KIF18A: variants seen among roughly 807,000 people sequenced by gnomAD.
KIF18A encodes kinesin family member 18A.
A neutral mutation model predicts 103.3 loss-of-function variants in KIF18A; 67 were observed. That is an observed-to-expected ratio of 0.65 (90% CI 0.53 to 0.79). The LOEUF is 0.79. Among genes scored for constraint, KIF18A ranks in the 30% least tolerant of loss-of-function variants. KIF18A has a pLI of 0.00. For missense variants in KIF18A, 1,032 were observed against 1,062.5 expected, an observed-to-expected ratio of 0.97 and a Z score of 0.40; for synonymous variants, 367 against 355.5, an observed-to-expected ratio of 1.03 and a Z score of -0.36.
At chr11:28,044,535 G>A (rs1309700618) in intron 13 of KIF18A, among the ~76,000 whole-genome samples, 1 of 152,022 alleles carries the variant, frequency 6.6e-6, no homozygotes, top group African/African-American at 2.4e-5. Flanking sequence ...GAAAGTATGC[G>A]TTTCAGGATA....
chr11:28,090,809 A>G, intron 4 of KIF18A, 82 bp from the exon 5 acceptor site: 1 of 708,616 alleles, frequency 1.4e-6, no homozygotes, highest in Non-Finnish European at 2.5e-6. Flanking sequence ...AAAAACAAAA[A>G]GATTTAAAGG....
intron 15 of KIF18A, among the ~76,000 whole-genome samples, chr11:28,026,776 A>G (rs559904016): frequency 6.6e-6 from 1 of 151,934 alleles, no homozygotes; most frequent in African/African-American, 2.4e-5. Context: ...AAAACTCACT[A>G]AAATTAATTA....
intron 13 of KIF18A, among the ~76,000 whole-genome samples, chr11:28,050,426 G>A (rs1850696321): frequency 6.6e-6 from 1 of 151,806 alleles, no homozygotes; most frequent in Non-Finnish European, 1.5e-5. Flanking sequence ...TGTTATATGA[G>A]AAATTAGTAT....
chr11:28,084,754 C>A lies in KIF18A; in HGVS notation c.952G>T (p.Asp318Tyr). Reference sequence around the variant, plus strand: ...GTTTGACAGTTTCCTCCAAGAGAATCCTTTAACAAGCGAGTAAGCTTACTA... The same window carrying A: ...GTTTGACAGTTTCCTCCAAGAGAATACTTTAACAAGCGAGTAAGCTTACTA... ...RNSKLTRLLKDSLGGNCQTIM... is the reference protein window; with the variant it reads ...RNSKLTRLLKYSLGGNCQTIM... The change falls in exon 7 of 17, where the codon GAT (aspartate) becomes TAT (tyrosine). Residue 318 changes from aspartate to tyrosine, a missense_variant. By Grantham distance (160) the Asp-to-Tyr change is radical. Coordinates refer to ENST00000263181, the MANE Select transcript of KIF18A (RefSeq NM_031217.4). 1 of 1,613,148 alleles carries A rather than the reference C, an allele frequency of 6.2e-7. No individual in the cohort carries two copies. The highest frequency in any genetic ancestry group is 8.5e-7 in the Non-Finnish European group (1 of 1,179,290).
intron 9 of KIF18A, among the ~76,000 whole-genome samples, chr11:28,080,658 C>T (rs1428375540): frequency 6.6e-6 from 1 of 152,026 alleles, no homozygotes; most frequent in East Asian, 1.9e-4. Context: ...CTCAGCCCTC[C>T]CTATTCCTTG....
Position 28,085,585 on chromosome 11 carries a change from C to T in KIF18A, c.898-777G>A, listed in dbSNP as rs189746117. 2.5e-3 allele frequency among the ~76,000 whole-genome samples: 375 copies of T among 152,256 alleles called. 1 individual carries two copies. The highest frequency in any genetic ancestry group is 4.0e-3 in the Non-Finnish European group (273 of 68,014). On this transcript the variant is annotated intron_variant, in intron 6 of 16. Coordinates refer to ENST00000263181, the MANE Select transcript of KIF18A (RefSeq NM_031217.4). ...CGGCTACCTAAGAGGGAAGGGTCCC[C>T]TGTCCTATGATCACGTGACTTGCCT...
intron 13 of KIF18A, among the ~76,000 whole-genome samples, chr11:28,053,769 G>C (rs1036987810): frequency 2.6e-5 from 4 of 151,996 alleles, no homozygotes; most frequent in African/African-American, 9.7e-5. Context: ...GAGGAAAGCA[G>C]ATGGGTTTTC....
intron 15 of KIF18A, among the ~76,000 whole-genome samples, chr11:28,029,740 G>C (rs1381965608): frequency 6.8e-6 from 1 of 146,812 alleles, no homozygotes; most frequent in African/African-American, 2.5e-5. Flanking sequence ...AAGTCAAATT[G>C]TCCCTGTTTG....
intron 1 of KIF18A, among the ~76,000 whole-genome samples, chr11:28,100,212 TG>T (rs1405071500): frequency 6.6e-6 from 1 of 151,988 alleles, no homozygotes; most frequent in Non-Finnish European, 1.5e-5. Context: ...AGTTCAGTTT[TG>T]GATAGCTTAA....
In KIF18A at chr11:28,082,948, T is replaced by C. The variant is rs573195988; in HGVS notation, c.1170A>G (p.Lys390=). Residue 390 remains lysine (K), a synonymous_variant, in exon 9 of 17, where the codon AAA becomes AAG. Coordinates refer to ENST00000263181, the MANE Select transcript of KIF18A (RefSeq NM_031217.4). ...CTTTCTGTTCTTCATAGGCTTTTAG[T>C]TTTTCTTTTAACAATAAAATCTAGT... is the stretch of plus-strand genomic sequence containing the variant. ...QKAEILLLKE[K]LKAYEEQKAF... 244 of 1,588,324 alleles carry C rather than the reference T, an allele frequency of 1.5e-4. 10 individuals are homozygous for C. In the South Asian group the frequency reaches 2.7e-3, roughly 18 times the overall value.
chr11:28,072,815 CTA>C lies in KIF18A; in HGVS notation c.1426-3394_1426-3393del, dbSNP rs200612015. Among the ~76,000 whole-genome samples, 175 of 151,354 alleles carry C rather than the reference CTA, an allele frequency of 1.2e-3. 1 individual carries two copies. The highest frequency in any genetic ancestry group is 9.1e-3 in the East Asian group (47 of 5,154). On this transcript the variant is annotated intron_variant, in intron 10 of 16. Coordinates refer to ENST00000263181, the MANE Select transcript of KIF18A (RefSeq NM_031217.4). ...AACCAGTCAAACCCATTCTATTACTCTATGTCTTAATCTTTCTAGATAACCAC... is the reference window on the plus strand; with the variant it reads ...AACCAGTCAAACCCATTCTATTACTCTGTCTTAATCTTTCTAGATAACCAC...
At chr11:28,053,484 C>A (rs867666311) in intron 13 of KIF18A, among the ~76,000 whole-genome samples, 2 of 151,612 alleles carry the variant, frequency 1.3e-5, no homozygotes, top group Non-Finnish European at 2.9e-5. Flanking sequence ...GAATCCTAAT[C>A]TTTTTTTAAT....
intron 13 of KIF18A, among the ~76,000 whole-genome samples, chr11:28,046,706 A>G (rs1850639610): frequency 7.0e-6 from 1 of 143,714 alleles, no homozygotes. Context: ...TAATAAAAGA[A>G]AAAAAAAAAG....
At chr11:28,024,191 TAAAAAAAAA>T (rs60587483) in intron 15 of KIF18A, among the ~76,000 whole-genome samples, 2 of 111,064 alleles carry the variant, frequency 1.8e-5, no homozygotes, top group African/African-American at 6.6e-5. Flanking sequence ...CACAAGAGGT[TAAAAAAAAA>T]AAAAAAAAAA....
At chr11:28,107,514 T>C (rs1851545410) in intron 1 of KIF18A, among the ~76,000 whole-genome samples, 1 of 152,160 alleles carries the variant, frequency 6.6e-6, no homozygotes, top group African/African-American at 2.4e-5. Flanking sequence ...GCAATCCCGT[T>C]AGGCAGTCAG....
At chr11:28,065,053 C>G (rs180846805) in intron 11 of KIF18A, among the ~76,000 whole-genome samples, 1 of 151,942 alleles carries the variant, frequency 6.6e-6, no homozygotes, top group African/African-American at 2.4e-5. Context: ...GCAGAAGGAC[C>G]AAACGTAGCA....
At position 28,069,229 on chromosome 11, in the gene KIF18A, T is replaced by C. The variant is rs1850977470; in HGVS notation, c.1590+30A>G. ...ATTTTAGGAGCTCAGTTCCTACAAA[T>C]TAAATCTGAACATACAGAGATATTT... On this transcript the variant is annotated intron_variant, in intron 11 of 16. Transcript: ENST00000263181. The C allele has an allele frequency of 3.2e-6, 5 of 1,580,646 alleles. No homozygotes were observed. The African/African-American group carries it at 5.4e-5, about 17-fold the overall frequency.
At position 28,033,069 on chromosome 11, in the gene KIF18A, A is replaced by G. The variant is rs188763123; in HGVS notation, c.2504+2318T>C. ...ATGGGCAAAAGAATAGACATTTCTCAAAAGAAGACATAAATGGCAAAGAAG... is the reference window on the plus strand; with the variant it reads ...ATGGGCAAAAGAATAGACATTTCTCGAAAGAAGACATAAATGGCAAAGAAG... On this transcript the variant is annotated intron_variant, in intron 15 of 16. Coordinates refer to ENST00000263181, the MANE Select transcript of KIF18A (RefSeq NM_031217.4). Among the ~76,000 whole-genome samples, 47 of 151,312 alleles carry G rather than the reference A, an allele frequency of 3.1e-4. No homozygotes were observed. In the East Asian group the frequency reaches 7.3e-3, roughly 23 times the overall value.
At position 28,036,216 on chromosome 11, in the gene KIF18A, C is replaced by T; in HGVS notation, c.2396+1G>A. ...AATTGGCAAATATTATTTTTTTGTA[C>T]CGTTGTAAAATGTCTTTGTTATCAT... is the stretch of plus-strand genomic sequence containing the variant. On this transcript the variant is annotated splice_donor_variant, in intron 14 of 16. Transcript: ENST00000263181. LOFTEE classifies it high-confidence loss of function. The T allele has an allele frequency of 7.8e-6, 12 of 1,528,858 alleles. No individual in the cohort carries two copies. The highest frequency in any genetic ancestry group is 1.4e-5 in the African/African-American group (1 of 71,264). 94.7% of individuals were successfully genotyped at this position (1,528,858 alleles called of 1,614,324 possible). A position where few individuals can be genotyped will look rare whatever the true frequency, so the allele number is the denominator to read the frequency against.
Sources: allele counts gnomAD v4.1 joint callset (sites outside exome capture counted in the v4.1 genomes callset), GRCh38; gene constraint gnomAD v4.1.1; transcripts MANE v1.5; gene names NCBI Gene and HGNC (gene_info 2026-07-23, HGNC 2026-07-21).